The following MAST4 variants were observed in gnomAD, a reference collection of about 807,000 sequenced individuals.
MAST4 encodes microtubule-associated serine/threonine-protein kinase 4.
A neutral mutation model predicts 162.7 loss-of-function variants in MAST4; 89 were observed. The ratio of observed to expected loss-of-function variants is 0.55; its 90% CI spans 0.46 to 0.65. The LOEUF (loss-of-function observed/expected upper bound fraction) is 0.65, where lower values mean the gene tolerates loss of function less well. MAST4 is among the 30% of genes least tolerant of loss of function. MAST4 has a pLI of 0.00. For synonymous variants in MAST4, 1,479 were observed against 1,361.1 expected (o/e 1.09, Z -1.91); for missense variants, 3,153 against 3,374.0 (o/e 0.93, Z 1.62).
intron 1 of MAST4, among the ~76,000 whole-genome samples, chr5:66,677,567 T>A (rs1213914971): frequency 6.6e-6 from 1 of 152,144 alleles, no homozygotes; most frequent in Non-Finnish European, 1.5e-5. Context: ...AAAAAATCCC[T>A]CTCTCCTGCA....
intron 9 of MAST4, among the ~76,000 whole-genome samples, chr5:67,104,043 A>G (rs747726793): frequency 1.3e-5 from 2 of 152,180 alleles, no homozygotes; most frequent in East Asian, 1.9e-4. Flanking sequence ...ACTTTTTAAG[A>G]ACAGTTTTAG....
rs141249795 is a variant in MAST4, at chr5:66,946,958, G to A, written c.674+46976G>A. ...ACGTCCACTTTCTTTTTCATTGGCT[G>A]CAGTGAAACTTTGGAAGATCATTAC... On this transcript the variant is annotated intron_variant, in intron 4 of 28. Transcript: ENST00000403625. Among the ~76,000 whole-genome samples the A allele has an allele frequency of 6.0e-3, 913 of 152,074 alleles. 11 individuals are homozygous for A. Among genetic ancestry groups the A allele is most frequent in the African/African-American group, 0.021 (880 of 41,486 alleles).
intron 3 of MAST4, among the ~76,000 whole-genome samples, chr5:66,830,716 G>A (rs549649995): frequency 3.3e-5 from 5 of 152,278 alleles, no homozygotes; most frequent in African/African-American, 1.2e-4. Context: ...ATTACATAGA[G>A]TAGCTGTTTT....
chr5:67,103,058 C>G (rs1351859660), intron 9 of MAST4, among the ~76,000 whole-genome samples: 1 of 152,132 alleles, frequency 6.6e-6, no homozygotes, highest in African/African-American at 2.4e-5. Context: ...CTGTGATTTC[C>G]TATCTCTTTA....
At chr5:66,779,299 G>A (rs1754742680) in intron 2 of MAST4, among the ~76,000 whole-genome samples, 1 of 151,116 alleles carries the variant, frequency 6.6e-6, no homozygotes, top group Admixed American at 6.6e-5. Context: ...TTCCTTGTCA[G>A]TTGGAGATCA....
At chr5:66,623,741 C>T (rs753817854) in intron 1 of MAST4, among the ~76,000 whole-genome samples, 2 of 152,100 alleles carry the variant, frequency 1.3e-5, no homozygotes, top group Non-Finnish European at 2.9e-5. Flanking sequence ...CACTTCTCTT[C>T]GACATTGTAC....
chr5:67,087,744 G>A (rs1394565079), intron 5 of MAST4, among the ~76,000 whole-genome samples: 3 of 152,166 alleles, frequency 2.0e-5, no homozygotes, highest in Admixed American at 6.5e-5. Context: ...GTATATGTGT[G>A]TATACGTATA....
At chr5:67,054,954 G>A (rs1758621224) in intron 5 of MAST4, among the ~76,000 whole-genome samples, 1 of 151,916 alleles carries the variant, frequency 6.6e-6, no homozygotes, top group Admixed American at 6.6e-5. Context: ...AGAATTATAA[G>A]GAAGGTTAGA....
At chr5:66,648,524 TAAATG>T (rs923756938) in intron 1 of MAST4, among the ~76,000 whole-genome samples, 46 of 152,122 alleles carry the variant, frequency 3.0e-4, no homozygotes, top group Non-Finnish European at 6.8e-4. Flanking sequence ...TTTTTTTTCT[TAAATG>T]AGATTATTCT....
intron 3 of MAST4, among the ~76,000 whole-genome samples, chr5:66,859,554 CTG>C (rs1561389059): frequency 6.6e-6 from 1 of 152,136 alleles, no homozygotes; most frequent in African/African-American, 2.4e-5. Flanking sequence ...CATCTTTAGA[CTG>C]TGTAACAGAT....
rs112208736 is a variant in MAST4 at position 66,664,639 on chromosome 5, T to G, written c.363+67621T>G. ...AGTTATTTAAAGCCACAAGACTGGATGAGGCCATGAACTTGTAGTGTAGAT... is the reference window on the plus strand; with the variant it reads ...AGTTATTTAAAGCCACAAGACTGGAGGAGGCCATGAACTTGTAGTGTAGAT... On this transcript the variant is annotated intron_variant, in intron 1 of 28. Coordinates refer to ENST00000403625, the MANE Select transcript of MAST4 (RefSeq NM_001164664.2). Among the ~76,000 whole-genome samples, 1,384 of 151,022 alleles carry G rather than the reference T, an allele frequency of 9.2e-3. 19 individuals are homozygous for G. The highest frequency in any genetic ancestry group is 0.032 in the African/African-American group (1,325 of 41,050).
At chr5:66,624,965 A>G (rs940866649) in intron 1 of MAST4, among the ~76,000 whole-genome samples, 3 of 152,268 alleles carry the variant, frequency 2.0e-5, no homozygotes, top group Non-Finnish European at 4.4e-5. Flanking sequence ...GGATATAGCA[A>G]CAAAAGCAAA....
At position 67,142,474 on chromosome 5, in the gene MAST4, G is replaced by C; in HGVS notation, c.2671G>C (p.Asp891His). ...METEEEDDTN[D>H]EDFNVEIRQF... ...AACGGAGGAAGAAGATGACACAAAT[G>C]ATGAAGACTTTAATGTGGAAATAAG... is the stretch of plus-strand genomic sequence containing the variant. The change falls in exon 21 of 29, where the codon GAT becomes CAT. Residue 891 changes from aspartate (D) to histidine (H), a missense_variant. Asp to His is a moderately conservative substitution (Grantham distance 81). Around this residue, in one of 7 missense-constraint regions of MAST4, gnomAD observed 619 missense variants for 744.2 expected, o/e 0.83. Coordinates refer to ENST00000403625, the MANE Select transcript of MAST4 (RefSeq NM_001164664.2). 6.2e-7 allele frequency: 1 copy of C among 1,600,468 alleles called. No homozygotes were observed. Among genetic ancestry groups the C allele is most frequent in the Non-Finnish European group, 8.5e-7 (1 of 1,173,032 alleles).
chr5:66,844,700 T>C (rs998721172), intron 3 of MAST4, among the ~76,000 whole-genome samples: 5 of 152,222 alleles, frequency 3.3e-5, no homozygotes, highest in African/African-American at 1.2e-4. Flanking sequence ...TAGCCTGACA[T>C]GACACATAGT....
intron 4 of MAST4, among the ~76,000 whole-genome samples, chr5:66,965,846 G>C (rs1185189688): frequency 6.6e-6 from 1 of 152,104 alleles, no homozygotes; most frequent in East Asian, 1.9e-4. Context: ...AAGATGTTTT[G>C]AATAAGGAAA....
At chr5:66,678,499 A>AT (rs35152065) in intron 1 of MAST4, among the ~76,000 whole-genome samples, 301 of 143,832 alleles carry the variant, frequency 2.1e-3, no homozygotes, top group East Asian at 5.3e-3. Flanking sequence ...TATCAACTAC[A>AT]TTTTTTTTTT....
At chr5:66,616,911 T>C (rs1476021261) in intron 1 of MAST4, among the ~76,000 whole-genome samples, 2 of 152,202 alleles carry the variant, frequency 1.3e-5, no homozygotes, top group East Asian at 3.8e-4. Flanking sequence ...GGTTGCTGAA[T>C]TGCAGTGCTC....
intron 1 of MAST4, among the ~76,000 whole-genome samples, chr5:66,652,327 A>G (rs1200343251): frequency 1.3e-5 from 2 of 152,186 alleles, no homozygotes; most frequent in Non-Finnish European, 1.5e-5. Flanking sequence ...CATTGTAATC[A>G]TATCACCCTG....
chr5:66,793,699 A>G (rs1409395250), intron 3 of MAST4, among the ~76,000 whole-genome samples: 1 of 152,046 alleles, frequency 6.6e-6, no homozygotes, highest in Non-Finnish European at 1.5e-5. Flanking sequence ...TTTTTCTCCA[A>G]TTTTCTGGTT....
Sources: allele counts gnomAD v4.1 joint callset (sites outside exome capture counted in the v4.1 genomes callset), GRCh38; gene constraint gnomAD v4.1.1; regional missense constraint gnomAD v4.1.1; transcripts MANE v1.5; gene names NCBI Gene and HGNC (gene_info 2026-07-23, HGNC 2026-07-21).